MYNN: variants seen among roughly 807,000 people sequenced by gnomAD.
MYNN encodes zinc finger and BTB domain-containing protein 31.
In MYNN, 22 loss-of-function variants were observed where a neutral mutation model predicts 57.2. That is an observed-to-expected ratio of 0.38 (90% CI 0.27 to 0.55). The LOEUF (loss-of-function observed/expected upper bound fraction) is 0.55. Among genes scored for constraint, MYNN ranks in the 20% least tolerant of loss-of-function variants. The pLI is 0.71. For missense variants in MYNN, 566 were observed against 723.1 expected, an observed-to-expected ratio of 0.78 and a Z score of 2.49; for synonymous variants, 241 against 257.1, an observed-to-expected ratio of 0.94 and a Z score of 0.60.
intron 7 of MYNN, among the ~76,000 whole-genome samples, chr3:169,785,567 C>A (rs1240038585): frequency 6.6e-6 from 1 of 151,816 alleles, no homozygotes; most frequent in Non-Finnish European, 1.5e-5. Context: ...CTAAAAAAAA[C>A]TTAATTTTAA....
In MYNN at chr3:169,785,070, A is replaced by AAG. The variant is rs769850366; in HGVS notation, c.1570+362_1570+363insAG. ...TTTACTATGGTTATTATGAAAAAAA[A>AAG]GGGGGGGGGGGTGGTGTTATCATGA... On this transcript the variant is annotated intron_variant, in intron 7 of 7. Coordinates refer to ENST00000349841, the MANE Select transcript of MYNN (RefSeq NM_018657.5). Among the ~76,000 whole-genome samples the AAG allele has an allele frequency of 8.0e-4, 81 of 100,826 alleles. 2 individuals are homozygous for AAG. Among genetic ancestry groups the AAG allele is most frequent in the African/African-American group, 2.7e-3 (77 of 28,066 alleles). 66.1% of individuals were successfully genotyped at this position (100,826 alleles called of 152,430 possible). A position where few individuals can be genotyped will look rare whatever the true frequency, so the allele number is the denominator to read the frequency against.
chr3:169,778,484 T>G, intron 2 of MYNN: 1 of 256,376 alleles, frequency 3.9e-6, no homozygotes. Flanking sequence ...TGTTCTAGGG[T>G]TTTAAAAAAA....
At chr3:169,781,315 G>C (rs892286901) in intron 4 of MYNN, among the ~76,000 whole-genome samples, 1 of 152,176 alleles carries the variant, frequency 6.6e-6, no homozygotes, top group Non-Finnish European at 1.5e-5. Flanking sequence ...AGGAATTTAC[G>C]AGTACAGTTC....
chr3:169,783,560 G>C lies in MYNN; in HGVS notation c.1483G>C (p.Gly495Arg). Reference sequence around the variant, plus strand: ...CAACAAACACTTTCGGTCCCATACAGGTCTGTGTTTAGGGAGAACGTATTA... The same window carrying C: ...CAACAAACACTTTCGGTCCCATACACGTCTGTGTTTAGGGAGAACGTATTA... ...ELNKHFRSHT[G>R]ERPFICELCG... Residue 495 changes from glycine (G) to arginine (R), a missense_variant and splice_region_variant, in exon 6 of 8, where the codon GGA becomes CGA. By Grantham distance (125) the Gly-to-Arg change is moderately radical. This residue lies in a region of MYNN where 156 missense variants were observed against 163.9 expected (regional missense o/e 0.95). Transcript: ENST00000349841. 1 of 1,601,130 alleles carries C rather than the reference G, an allele frequency of 6.2e-7. No individual in the cohort carries two copies. Among genetic ancestry groups the C allele is most frequent in the Non-Finnish European group, 8.5e-7 (1 of 1,170,792 alleles).
intron 2 of MYNN, among the ~76,000 whole-genome samples, chr3:169,775,662 C>A (rs2108197586): frequency 6.6e-6 from 1 of 152,130 alleles, no homozygotes; most frequent in East Asian, 1.9e-4. Flanking sequence ...CTCTCCTCCC[C>A]CTTTAATTCC....
chr3:169,775,939 G>T (rs1778326910), intron 2 of MYNN, among the ~76,000 whole-genome samples: 2 of 152,002 alleles, frequency 1.3e-5, no homozygotes, highest in African/African-American at 2.4e-5. Context: ...AGTATCCAGT[G>T]GGGGGAGGGG....
At position 169,779,153 on chromosome 3, in the gene MYNN, C is replaced by A; in HGVS notation, c.652C>A (p.Leu218Met). 1 of 1,614,180 alleles carries A rather than the reference C, an allele frequency of 6.2e-7. No individual in the cohort carries two copies. Among genetic ancestry groups the A allele is most frequent in the Non-Finnish European group, 8.5e-7 (1 of 1,180,028 alleles). The change falls in exon 3 of 8, where the codon CTG (leucine) becomes ATG (methionine). Residue 218 changes from leucine (L) to methionine (M), a missense_variant. By Grantham distance (15) the Leu-to-Met change is conservative. This residue lies in a region of MYNN where 261 missense variants were observed against 280.8 expected (regional missense o/e 0.93). Coordinates refer to ENST00000349841, the MANE Select transcript of MYNN (RefSeq NM_018657.5). The part of the protein sequence containing the change: ...SVELFLDANK[L>M]PTPVVEQVAQ... The stretch of plus-strand genomic sequence containing the variant: ...TGAATTATTCCTAGATGCAAATAAA[C>A]TGCCCACACCTGTAGTAGAACAAGT...
In MYNN at chr3:169,784,725, T is replaced by C; in HGVS notation, c.1570+17T>C. 1 of 1,474,422 alleles carries C rather than the reference T, an allele frequency of 6.8e-7. No individual in the cohort carries two copies. Among genetic ancestry groups the C allele is most frequent in the Non-Finnish European group, 9.3e-7 (1 of 1,077,904 alleles). 91.3% of individuals were successfully genotyped at this position (1,474,422 alleles called of 1,614,324 possible). ...TCCATTCTGGTAAATGCTTGTGTTTTGTTTGCTTGTTTGTTTGTTTTAATT... is the reference window on the plus strand; with the variant it reads ...TCCATTCTGGTAAATGCTTGTGTTTCGTTTGCTTGTTTGTTTGTTTTAATT... On this transcript the variant is annotated intron_variant, in intron 7 of 7. Transcript: ENST00000349841.
At chr3:169,780,536 T>G in intron 3 of MYNN, 54 bp from the exon 4 acceptor site, 1 of 1,340,218 alleles carries the variant, frequency 7.5e-7, no homozygotes. Context: ...CTTATATGAC[T>G]TATGCAACCA....
intron 2 of MYNN, among the ~76,000 whole-genome samples, chr3:169,776,503 T>C (rs1560585711): frequency 6.6e-6 from 1 of 152,154 alleles, no homozygotes; most frequent in African/African-American, 2.4e-5. Flanking sequence ...GATAATCTTA[T>C]AAAGCATTTA....
Position 169,778,779 on chromosome 3 carries a change from A to C in MYNN, c.278A>C (p.Lys93Thr). Residue 93 changes from lysine (K) to threonine (T), a missense_variant, in exon 3 of 8, where the codon AAA (lysine) becomes ACA (threonine). Coordinates refer to ENST00000349841, the MANE Select transcript of MYNN (RefSeq NM_018657.5). The part of the protein sequence containing the change: ...GTLNLDSWNV[K>T]EIHQAADYLK... Reference sequence around the variant, plus strand: ...TTGTTTCCTTGCAGTTGGAATGTTAAAGAAATTCATCAGGCTGCTGACTAT... The same window carrying C: ...TTGTTTCCTTGCAGTTGGAATGTTACAGAAATTCATCAGGCTGCTGACTAT... 1 of 1,590,274 alleles carries C rather than the reference A, an allele frequency of 6.3e-7. No individual in the cohort carries two copies. Among genetic ancestry groups the C allele is most frequent in the Non-Finnish European group, 8.5e-7 (1 of 1,171,504 alleles).
intron 1 of MYNN, 78 bp from the exon 2 acceptor site, chr3:169,774,187 A>AT: frequency 9.0e-7 from 1 of 1,110,440 alleles, no homozygotes; most frequent in Non-Finnish European, 1.3e-6. Context: ...TGTTTAAGTT[A>AT]TGTCCTCTGT....
rs1213540039 is a variant in MYNN at position 169,779,418 on chromosome 3, C to T, written c.917C>T (p.Thr306Ile). The change falls in exon 3 of 8, where the codon ACA becomes ATA. Residue 306 changes from threonine (T) to isoleucine (I), a missense_variant. Around this residue, in one of 4 missense-constraint regions of MYNN, gnomAD observed 123 missense variants for 222.6 expected, o/e 0.55. Coordinates refer to ENST00000349841, the MANE Select transcript of MYNN (RefSeq NM_018657.5). ...TCCAAGGCCAAGCCAATGTGTAACA[C>T]ATGTGGGAAAGTGTTTTCAGAAGCC... ...RYSKAKPMCNTCGKVFSEASS... is the reference protein window; with the variant it reads ...RYSKAKPMCNICGKVFSEASS... The T allele has an allele frequency of 2.5e-6, 4 of 1,614,152 alleles. No homozygotes were observed. The highest frequency in any genetic ancestry group is 1.3e-5 in the African/African-American group (1 of 75,032).
chr3:169,786,310 A>G, intron 7 of MYNN, 106 bp from the exon 8 acceptor site: 4 of 1,057,206 alleles, frequency 3.8e-6, no homozygotes, highest in African/African-American at 1.6e-5. Flanking sequence ...GAGTAAAGGT[A>G]TGGTGGTTGG....
In MYNN at chr3:169,788,512, T is replaced by C. The variant is rs1263175035; in HGVS notation, c.*1834T>C. ...GAAGTTTGCTAAAATGGAGAGGTTA[T>C]GTTTAATTTATTTATATCTTCGTTA... On this transcript the variant is annotated 3_prime_UTR_variant, in exon 8 of 8. Coordinates refer to ENST00000349841, the MANE Select transcript of MYNN (RefSeq NM_018657.5). The C allele has an allele frequency of 1.3e-5, 2 of 152,164 alleles. No individual in the cohort carries two copies. The highest frequency in any genetic ancestry group is 4.8e-5 in the African/African-American group (2 of 41,468). 9.4% of individuals were successfully genotyped at this position (152,164 alleles called of 1,614,324 possible).
rs139065735 is a variant in MYNN, at chr3:169,778,889, T to C, written c.388T>C (p.Ser130Pro). 3.5e-5 allele frequency: 56 copies of C among 1,613,968 alleles called. No homozygotes were observed. The highest frequency in any genetic ancestry group is 4.7e-5 in the Non-Finnish European group (55 of 1,179,984). Residue 130 changes from serine to proline, a missense_variant, in exon 3 of 8, where the codon TCT (serine) becomes CCT (proline). Transcript: ENST00000349841. ...FIANPSSTEI[S>P]SITGNIELNQ... The stretch of plus-strand genomic sequence containing the variant: ...TGCTAATCCTTCTTCTACAGAGATA[T>C]CTAGTATTACTGGAAACATTGAATT...
chr3:169,776,095 TTC>T (rs1006417720), intron 2 of MYNN, among the ~76,000 whole-genome samples: 32 of 152,236 alleles, frequency 2.1e-4, no homozygotes, highest in African/African-American at 7.7e-4. Context: ...TGGTTTCCCT[TTC>T]TCTCAATTAA....
At position 169,782,531 on chromosome 3, in the gene MYNN, A is replaced by G. The variant is rs1330505107; in HGVS notation, c.1287A>G (p.Thr429=). The G allele has an allele frequency of 7.4e-6, 12 of 1,613,964 alleles. No individual in the cohort carries two copies. The highest frequency in any genetic ancestry group is 1.0e-5 in the Non-Finnish European group (12 of 1,179,946). ...GACAGAGATTTGCTCAAGCCAGCAC[A>G]CTGACCTATCATGTCCGTAGGCATA... ...RCGQRFAQAS[T]LTYHVRRHTG... Residue 429 remains threonine (T), a synonymous_variant, in exon 5 of 8, where the codon ACA becomes ACG. Transcript: ENST00000349841. The surrounding 1 kb of genome is among the most constrained non-coding windows in gnomAD (Gnocchi z 4.8).
rs1778743858 is a variant in MYNN at position 169,788,809 on chromosome 3, G to A, written c.*2131G>A. The A allele has an allele frequency of 6.6e-6, 1 of 152,116 alleles. No homozygotes were observed. Among genetic ancestry groups the A allele is most frequent in the South Asian group, 2.1e-4 (1 of 4,836 alleles). 9.4% of individuals were successfully genotyped at this position (152,116 alleles called of 1,614,324 possible). On this transcript the variant is annotated 3_prime_UTR_variant, in exon 8 of 8. Coordinates refer to ENST00000349841, the MANE Select transcript of MYNN (RefSeq NM_018657.5). ...ATTTTCTGCTCTTCTAGAATGATGT[G>A]TAGAGAAAACTTGAAGATACTATCC...
Sources: allele counts gnomAD v4.1 joint callset (sites outside exome capture counted in the v4.1 genomes callset), GRCh38; gene constraint gnomAD v4.1.1; regional missense constraint gnomAD v4.1.1; non-coding constraint Gnocchi (gnomAD v3.1); transcripts MANE v1.5; gene names NCBI Gene and HGNC (gene_info 2026-07-23, HGNC 2026-07-21).